Variants in GPHN observed in about 807,000 individuals in gnomAD.
GPHN encodes gephyrin.
A neutral mutation model predicts 95.5 loss-of-function variants in GPHN; 17 were observed. The ratio of observed to expected loss-of-function variants is 0.18; its 90% CI spans 0.12 to 0.27. GPHN has a LOEUF of 0.27. Ranked by LOEUF, GPHN falls within the 10% of genes least tolerant of loss-of-function variation. The pLI, the probability that GPHN is intolerant of heterozygous loss-of-function variation, is 1.00. For missense variants in GPHN, 660 were observed against 978.1 expected (o/e 0.67, Z 4.34); for synonymous variants, 320 against 322.5 (o/e 0.99, Z 0.08).
the GPHN span, among the ~76,000 whole-genome samples, chr14:67,595,694 T>C: frequency 6.6e-6 from 1 of 152,246 alleles, no homozygotes; most frequent in African/African-American, 2.4e-5. Flanking sequence ...GAGGTTTAGA[T>C]ACCTGGAACT....
chr14:67,002,429 A>G (rs1239978269), intron 9 of GPHN, among the ~76,000 whole-genome samples: 1 of 131,590 alleles, frequency 7.6e-6, no homozygotes, highest in Non-Finnish European at 1.6e-5. Context: ...TAACCTCTTT[A>G]TTTTTCTGAA....
chr14:67,576,598 G>A, the GPHN span: 2 of 654,546 alleles, frequency 3.1e-6, no homozygotes, highest in East Asian at 2.7e-5. The surrounding 1 kb of genome is among the most constrained non-coding windows in gnomAD (Gnocchi z 4.0). Flanking sequence ...GTACCCTGAA[G>A]CTGTTTTTAA....
At chr14:66,626,791 G>A (rs1416024256) in intron 1 of GPHN, among the ~76,000 whole-genome samples, 1 of 151,966 alleles carries the variant, frequency 6.6e-6, no homozygotes, top group Admixed American at 6.6e-5. Flanking sequence ...TCAATTTGAG[G>A]TACTTGTAAC....
intron 3 of GPHN, among the ~76,000 whole-genome samples, chr14:66,779,858 A>T (rs1364412237): frequency 1.3e-5 from 2 of 152,082 alleles, no homozygotes; most frequent in African/African-American, 4.8e-5. Flanking sequence ...AATCATTTTG[A>T]TACTTTTTTA....
At chr14:67,654,857 G>A in the GPHN span, among the ~76,000 whole-genome samples, 31 of 151,668 alleles carry the variant, frequency 2.0e-4, no homozygotes, top group African/African-American at 6.8e-4. Flanking sequence ...GTGAAACCCC[G>A]TCTCTACTAA....
intron 3 of GPHN, among the ~76,000 whole-genome samples, chr14:66,793,039 G>A (rs145077625): frequency 3.3e-5 from 5 of 152,360 alleles, no homozygotes; most frequent in Non-Finnish European, 5.9e-5. Flanking sequence ...CGCCCTGGGC[G>A]GGCCAGGTGT....
rs113959854 is a variant in GPHN, at chr14:66,790,025, T to C, written c.201+13504T>C. 3.7e-3 allele frequency among the ~76,000 whole-genome samples: 563 copies of C among 152,250 alleles called. 12 individuals carry two copies. The highest frequency in any genetic ancestry group is 0.013 in the African/African-American group (533 of 41,542). On this transcript the variant is annotated intron_variant, in intron 3 of 22. Transcript: ENST00000478722. Reference sequence around the variant, plus strand: ...ATCTGTCTACTTTCAATTCCTGGGGTTTCATGAGGAAAACAGAAGTTTTTC... The same window carrying C: ...ATCTGTCTACTTTCAATTCCTGGGGCTTCATGAGGAAAACAGAAGTTTTTC...
At chr14:67,061,146 A>G (rs2075810304) in intron 11 of GPHN, among the ~76,000 whole-genome samples, 4 of 151,906 alleles carry the variant, frequency 2.6e-5, no homozygotes, top group Admixed American at 2.6e-4. Context: ...GGTTCAAGTG[A>G]TTCTCCTGCC....
intron 17 of GPHN, among the ~76,000 whole-genome samples, chr14:67,142,093 C>G (rs1034090716): frequency 3.3e-5 from 5 of 152,072 alleles, no homozygotes; most frequent in Non-Finnish European, 7.4e-5. Context: ...AGGCAGGTAG[C>G]CAGGGTTACT....
chr14:67,365,096 TTA>T, the GPHN span: 1 of 1,373,320 alleles, frequency 7.3e-7, no homozygotes, highest in African/African-American at 1.5e-5. Context: ...AAGCTGCAGC[TTA>T]AAAAAAAAAG....
intron 18 of GPHN, among the ~76,000 whole-genome samples, chr14:67,149,503 T>C (rs1288606786): frequency 1.3e-5 from 2 of 152,210 alleles, no homozygotes; most frequent in Non-Finnish European, 2.9e-5. Flanking sequence ...TAGGGATCCT[T>C]AATGAATTTT....
At chr14:66,511,631 A>G (rs2058043647) in intron 1 of GPHN, among the ~76,000 whole-genome samples, 1 of 152,018 alleles carries the variant, frequency 6.6e-6, no homozygotes, top group Non-Finnish European at 1.5e-5. Context: ...TGTTTTCGTT[A>G]TCTTCATTTC....
the GPHN span, chr14:67,722,733 A>G: frequency 2.5e-6 from 4 of 1,599,834 alleles, no homozygotes; most frequent in Admixed American, 5.0e-5. Flanking sequence ...TCAGCAACTC[A>G]AACAATCGTT....
At chr14:67,562,104 C>T in the GPHN span, 3 of 1,610,760 alleles carry the variant, frequency 1.9e-6, no homozygotes, top group African/African-American at 4.0e-5. Flanking sequence ...GCTACGGGAG[C>T]TCTCAATGTG....
intron 1 of GPHN, among the ~76,000 whole-genome samples, chr14:66,525,185 A>G (rs548797307): frequency 6.6e-6 from 1 of 152,284 alleles, no homozygotes; most frequent in East Asian, 1.9e-4. Context: ...AATGATCACC[A>G]TTCTAACTGG....
chr14:67,456,458 T>TG, the GPHN span, among the ~76,000 whole-genome samples: 4 of 151,820 alleles, frequency 2.6e-5, no homozygotes, highest in African/African-American at 9.7e-5. Flanking sequence ...AAAAATCAGC[T>TG]GGGCATGGTG....
chr14:66,575,704 G>A (rs1304629795), intron 1 of GPHN, among the ~76,000 whole-genome samples: 2 of 152,066 alleles, frequency 1.3e-5, no homozygotes, highest in African/African-American at 4.8e-5. Context: ...CCTGGGGGCT[G>A]TCTTGGCATC....
chr14:66,546,737 A>G lies in GPHN; in HGVS notation c.64+38146A>G, dbSNP rs866200826. On this transcript the variant is annotated intron_variant, in intron 1 of 22. Transcript: ENST00000478722. ...GATGGCAGCAGTACAGTCCAGCTTC[A>G]GCTCGGTATCAGAGGGAGACCGTGG... Among the ~76,000 whole-genome samples, 533 of 142,862 alleles carry G rather than the reference A, an allele frequency of 3.7e-3. 12 individuals carry two copies. The highest frequency in any genetic ancestry group is 0.013 in the African/African-American group (508 of 39,192). 93.7% of individuals were successfully genotyped at this position (142,862 alleles called of 152,430 possible).
At chr14:67,318,442 A>G in the GPHN span, among the ~76,000 whole-genome samples, 1 of 152,146 alleles carries the variant, frequency 6.6e-6, no homozygotes, top group Non-Finnish European at 1.5e-5. Context: ...ATTTTTTGAA[A>G]CAGACTGAAG....
Sources: gnomAD v4.1 joint callset for allele counts (sites outside exome capture counted in the v4.1 genomes callset) on GRCh38, gnomAD v4.1.1 for gene constraint, Gnocchi (gnomAD v3.1) non-coding constraint, MANE v1.5 for transcripts, NCBI Gene and HGNC (gene_info 2026-07-23, HGNC 2026-07-21) for gene names.